The following MGAT4C variants were observed in gnomAD, a reference collection of about 807,000 sequenced individuals.
The protein encoded by MGAT4C is alpha-1,3-mannosyl-glycoprotein 4-beta-N-acetylglucosaminyltransferase C.
MGAT4C carries 19 observed loss-of-function variants against 40.1 expected under a neutral mutation model. The observed-to-expected ratio is 0.47, with a 90% CI of 0.33 to 0.70. The LOEUF is 0.70. Ranked by LOEUF, MGAT4C falls within the 30% of genes least tolerant of loss-of-function variation. The pLI, the probability that MGAT4C is intolerant of heterozygous loss-of-function variation, is 0.02. For synonymous variants in MGAT4C, 181 were observed against 187.1 expected, an observed-to-expected ratio of 0.97 and a Z score of 0.27; for missense variants, 491 against 563.2, an observed-to-expected ratio of 0.87 and a Z score of 1.30.
chr12:86,770,156 A>T (rs946224984), intron 1 of MGAT4C, among the ~76,000 whole-genome samples: 10 of 151,966 alleles, frequency 6.6e-5, no homozygotes, highest in Admixed American at 2.0e-4. Flanking sequence ...ATTTTTTTTC[A>T]TAGAACGTTA....
intron 2 of MGAT4C, chr12:86,027,940 T>A: frequency 4.8e-6 from 1 of 208,374 alleles, no homozygotes. Flanking sequence ...TAAAATATTA[T>A]AGATCATAAT....
chr12:86,207,541 T>C (rs1479999188), intron 1 of MGAT4C, among the ~76,000 whole-genome samples: 17 of 150,340 alleles, frequency 1.1e-4, no homozygotes, highest in Non-Finnish European at 2.2e-4. Flanking sequence ...GTTTGTCAGG[T>C]ACAAAAATAC....
At chr12:86,737,011 C>G (rs1026548876) in intron 1 of MGAT4C, among the ~76,000 whole-genome samples, 4 of 138,488 alleles carry the variant, frequency 2.9e-5, no homozygotes, top group African/African-American at 1.1e-4. Context: ...ACTTGCAATT[C>G]TATAAAAAAA....
At chr12:86,019,675 CT>C (rs559223986) in intron 2 of MGAT4C, among the ~76,000 whole-genome samples, 1 of 151,718 alleles carries the variant, frequency 6.6e-6, no homozygotes, top group Non-Finnish European at 1.5e-5. Flanking sequence ...GCAATGTGGG[CT>C]TTTTTTTGGT....
chr12:86,133,695 G>T (rs1257162682), intron 1 of MGAT4C, among the ~76,000 whole-genome samples: 1 of 152,058 alleles, frequency 6.6e-6, no homozygotes, highest in African/African-American at 2.4e-5. Flanking sequence ...CCAAGGAGCT[G>T]CAATTTACAA....
intron 2 of MGAT4C, among the ~76,000 whole-genome samples, chr12:86,690,761 G>C (rs1950158618): frequency 6.6e-6 from 1 of 152,074 alleles, no homozygotes. Context: ...TCTTGCCCTG[G>C]AAAGACCAAT....
intron 1 of MGAT4C, among the ~76,000 whole-genome samples, chr12:86,737,873 T>A (rs1042080335): frequency 6.6e-6 from 1 of 151,572 alleles, no homozygotes; most frequent in East Asian, 1.9e-4. Context: ...TGCACACTAG[T>A]CCAAGTCTCT....
At chr12:86,011,819 G>C in intron 2 of MGAT4C, 2 of 984,096 alleles carry the variant, frequency 2.0e-6, no homozygotes, top group Non-Finnish European at 2.4e-6. Flanking sequence ...CCAGCTCCAA[G>C]TGTTAAAGTA....
At chr12:85,985,543 TA>T (rs1565815811) in intron 3 of MGAT4C, among the ~76,000 whole-genome samples, 1 of 152,186 alleles carries the variant, frequency 6.6e-6, no homozygotes, top group Non-Finnish European at 1.5e-5. Context: ...AGAAATACTT[TA>T]GTCCTTTATA....
intron 2 of MGAT4C, among the ~76,000 whole-genome samples, chr12:86,624,508 C>A (rs921767114): frequency 6.6e-6 from 1 of 152,122 alleles, no homozygotes; most frequent in Non-Finnish European, 1.5e-5. Context: ...CATTAGCTGA[C>A]CACTAACCTA....
intron 3 of MGAT4C, among the ~76,000 whole-genome samples, chr12:86,383,166 G>C (rs955942925): frequency 6.6e-6 from 1 of 152,198 alleles, no homozygotes; most frequent in East Asian, 1.9e-4. Context: ...TAGAGGTAGA[G>C]CTGCCCAAGG....
At position 85,996,221 on chromosome 12, in the gene MGAT4C, T is replaced by C. The variant is rs1024830783; in HGVS notation, c.-6-6669A>G. On this transcript the variant is annotated intron_variant, in intron 2 of 4. Transcript: ENST00000611864. ...AAAAAGGATATTAAAAAGGCTATCA[T>C]AAATATGTCCCATAGGCTCAAAATA... Among the ~76,000 whole-genome samples the C allele has an allele frequency of 5.4e-4, 82 of 152,300 alleles. 1 individual carries two copies. The highest frequency in any genetic ancestry group is 1.9e-3 in the African/African-American group (80 of 41,576).
intron 2 of MGAT4C, among the ~76,000 whole-genome samples, chr12:85,999,276 G>A (rs897110344): frequency 1.3e-5 from 2 of 151,924 alleles, no homozygotes; most frequent in African/African-American, 4.8e-5. Flanking sequence ...GATTTGGGTG[G>A]GGACACAGCC....
chr12:86,762,167 T>A (rs774709450), intron 1 of MGAT4C, among the ~76,000 whole-genome samples: 8 of 151,950 alleles, frequency 5.3e-5, no homozygotes, highest in Non-Finnish European at 7.4e-5. Context: ...TCCTCCCACT[T>A]CAGCCTCCCT....
At chr12:86,450,996 C>T (rs1466946108) in intron 2 of MGAT4C, among the ~76,000 whole-genome samples, 3 of 152,012 alleles carry the variant, frequency 2.0e-5, no homozygotes, top group African/African-American at 7.2e-5. Context: ...ATTTATGAGT[C>T]AGCTATATCA....
At chr12:86,497,490 A>G (rs2136329912) in intron 2 of MGAT4C, among the ~76,000 whole-genome samples, 1 of 152,026 alleles carries the variant, frequency 6.6e-6, no homozygotes, top group Admixed American at 6.6e-5. Context: ...TTCAGACCTA[A>G]TCAAATTCCT....
Position 85,980,228 on chromosome 12 carries a change from T to G in MGAT4C, c.498A>C (p.Ala166=), listed in dbSNP as rs1884402980. The G allele has an allele frequency of 1.2e-6, 2 of 1,613,818 alleles. No individual in the cohort carries two copies. Among genetic ancestry groups the G allele is most frequent in the South Asian group, 1.1e-5 (1 of 91,092 alleles). Residue 166 remains alanine, a synonymous_variant, in exon 5 of 5, where the codon GCA becomes GCC. Coordinates refer to ENST00000611864, the MANE Select transcript of MGAT4C (RefSeq NM_001351288.2). The part of the protein sequence containing the change: ...ITQKFAHHII[A]GRLMVIHAPE... ...GAGCATGTATAACCATTAATCTTCC[T>G]GCAATAATATGGTGCGCAAATTTCT...
chr12:86,103,125 T>C (rs910498797), intron 1 of MGAT4C, among the ~76,000 whole-genome samples: 15 of 152,138 alleles, frequency 9.9e-5, no homozygotes, highest in Non-Finnish European at 2.2e-4. Flanking sequence ...AGCTGGTACC[T>C]TGACTGACTT....
intron 2 of MGAT4C, chr12:86,001,749 A>G (rs1565841037): frequency 2.0e-6 from 1 of 499,816 alleles, no homozygotes; most frequent in Non-Finnish European, 2.6e-6. Context: ...GTGGGAATTT[A>G]CTTCTTGAAT....
Sources: allele counts gnomAD v4.1 joint callset (sites outside exome capture counted in the v4.1 genomes callset), GRCh38; gene constraint gnomAD v4.1.1; transcripts MANE v1.5; gene names NCBI Gene and HGNC (gene_info 2026-07-23, HGNC 2026-07-21).